Variants in AOC2 observed in about 807,000 individuals in gnomAD.
AOC2 encodes the protein amine oxidase copper containing 2, also known as amine oxidase [copper-containing] 2.
Under a neutral mutation model 53.8 loss-of-function variants are expected in AOC2, and 57 were observed. The observed-to-expected ratio is 1.06, with a 90% CI of 0.86 to 1.32. AOC2 has a LOEUF of 1.32. Ranked by LOEUF, AOC2 falls within the 40% of genes most tolerant of loss-of-function variation. The pLI, the probability that AOC2 is intolerant of heterozygous loss-of-function variation, is 0.00. For synonymous variants in AOC2, 404 were observed against 399.0 expected, an observed-to-expected ratio of 1.01 and a Z score of -0.15; for missense variants, 1,008 against 957.2, an observed-to-expected ratio of 1.05 and a Z score of -0.70.
chr17:42,849,761 C>T, intron 3 of AOC2, 31 bp downstream of exon 3: 1 of 1,613,490 alleles, frequency 6.2e-7, no homozygotes, highest in South Asian at 1.1e-5. Context: ...AGGAAAGGGA[C>T]ACCTGTGGGC....
rs528413349 is a variant in AOC2 at position 42,845,731 on chromosome 17, G to A, written c.1105G>A (p.Asp369Asn). 32 of 1,614,156 alleles carry A rather than the reference G, an allele frequency of 2.0e-5. No homozygotes were observed. In the East Asian group the frequency reaches 2.7e-4, roughly 13 times the overall value. ...GGAGTGTGTATCTATCTATGGTGCC[G>A]ATTCACCCAAGACGATGCTGACTCG... ...VQECVSIYGADSPKTMLTRYL... is the reference protein window; with the variant it reads ...VQECVSIYGANSPKTMLTRYL... Residue 369 changes from aspartate (D) to asparagine (N), a missense_variant, in exon 1 of 4, where the codon GAT (aspartate) becomes AAT (asparagine). Transcript: ENST00000253799.
chr17:42,849,228 C>G lies in AOC2; in HGVS notation c.1731C>G (p.Ser577Arg). 1.9e-6 allele frequency: 3 copies of G among 1,614,164 alleles called. No individual in the cohort carries two copies. The highest frequency in any genetic ancestry group is 1.1e-5 in the South Asian group (1 of 91,086). The change falls in exon 2 of 4, where the codon AGC becomes AGG. Residue 577 changes from serine to arginine, a missense_variant. Physicochemically the swap from Ser to Arg is moderately radical, Grantham distance 110. Coordinates refer to ENST00000253799, the MANE Select transcript of AOC2 (RefSeq NM_009590.4). ...ACCTGACAGCTTTTTCCTTGGGAAGCCCCCTACCCCGCTACCTCTACCTGG... is the reference window on the plus strand; with the variant it reads ...ACCTGACAGCTTTTTCCTTGGGAAGGCCCCTACCCCGCTACCTCTACCTGG... ...KEDLTAFSLG[S>R]PLPRYLYLAS...
rs996765237 is a variant in AOC2 at position 42,844,748 on chromosome 17, C to A, written c.122C>A (p.Ser41Tyr). ...CAGCCTCCCCACTGCCCCTCTGTATCCCATAGGGCCCAGCCCTGGCCACAC... is the reference window on the plus strand; with the variant it reads ...CAGCCTCCCCACTGCCCCTCTGTATACCATAGGGCCCAGCCCTGGCCACAC... ...SSQPPHCPSV[S>Y]HRAQPWPHPG... is the part of the protein sequence containing the mutation. The change falls in exon 1 of 4, where the codon TCC (serine) becomes TAC (tyrosine). Residue 41 changes from serine (S) to tyrosine (Y), a missense_variant. Physicochemically the swap from Ser to Tyr is moderately radical, Grantham distance 144. Coordinates refer to ENST00000253799, the MANE Select transcript of AOC2 (RefSeq NM_009590.4). The A allele has an allele frequency of 6.2e-7, 1 of 1,614,232 alleles. No homozygotes were observed. Among genetic ancestry groups the A allele is most frequent in the Non-Finnish European group, 8.5e-7 (1 of 1,180,044 alleles).
rs528022523 is a variant in AOC2, at chr17:42,849,619, C to T, written c.1893C>T (p.Thr631=). The part of the protein sequence containing the change: ...LSWGRYQLVV[T]QRKEEESQSS... ...TGGCCAGATACCAGCTTGTGGTGAC[C>T]CAGAGAAAGGAGGAGGAGTCACAGA... The change falls in exon 3 of 4, where the codon ACC becomes ACT. Residue 631 remains threonine, a synonymous_variant. Transcript: ENST00000253799. 6.2e-7 allele frequency: 1 copy of T among 1,614,162 alleles called. No individual in the cohort carries two copies. The highest frequency in any genetic ancestry group is 2.2e-5 in the East Asian group (1 of 44,888).
At position 42,849,138 on chromosome 17, in the gene AOC2, C is replaced by G; in HGVS notation, c.1641C>G (p.Ala547=). Residue 547 remains alanine (A), a synonymous_variant, in exon 2 of 4, where the codon GCC becomes GCG. Coordinates refer to ENST00000253799, the MANE Select transcript of AOC2 (RefSeq NM_009590.4). ...AEDVVFKPVA[A]PWNPEHWLQR... ...ACGTGGTGTTTAAACCTGTGGCTGC[C>G]CCCTGGAACCCGGAGCACTGGCTAC... The G allele has an allele frequency of 6.2e-7, 1 of 1,614,070 alleles. No individual in the cohort carries two copies. The highest frequency in any genetic ancestry group is 8.5e-7 in the Non-Finnish European group (1 of 1,179,982).
chr17:42,850,019 G>T, intron 3 of AOC2, 63 bp from the exon 4 acceptor site: 1 of 1,569,310 alleles, frequency 6.4e-7, no homozygotes, highest in South Asian at 1.2e-5. Context: ...CTGGGATTGT[G>T]ACTGAAGGGT....
At chr17:42,848,986 T>C in intron 1 of AOC2, 100 bp from the exon 2 acceptor site, 1 of 1,281,480 alleles carries the variant, frequency 7.8e-7, no homozygotes, top group African/African-American at 1.5e-5. Context: ...TCTCTCTGCC[T>C]TTTGTCACAC....
chr17:42,845,984 C>T lies in AOC2; in HGVS notation c.1358C>T (p.Ala453Val), dbSNP rs752717916. 73 of 1,614,186 alleles carry T rather than the reference C, an allele frequency of 4.5e-5. No homozygotes were observed. Among genetic ancestry groups the T allele is most frequent in the Non-Finnish European group, 6.1e-5 (72 of 1,180,042 alleles). Residue 453 changes from alanine (A) to valine (V), a missense_variant, in exon 1 of 4, where the codon GCC becomes GTC. By Grantham distance (64) the Ala-to-Val change is moderately conservative. Transcript: ENST00000253799. ...TTCTATGGTGGTTTGGCCAGCTCAG[C>T]CCTTGTGGTCAGGTCTGTGTCATCT... The part of the protein sequence containing the change: ...NHFYGGLASS[A>V]LVVRSVSSVG...
intron 1 of AOC2, among the ~76,000 whole-genome samples, chr17:42,847,259 G>A (rs1315752982): frequency 1.3e-5 from 2 of 152,184 alleles, no homozygotes; most frequent in South Asian, 2.1e-4. Context: ...GCTTGTTTTG[G>A]GAAGTAACAT....
At chr17:42,849,399 G>A (rs760376885) in intron 2 of AOC2, 28 bp downstream of exon 2, 5 of 1,602,078 alleles carry the variant, frequency 3.1e-6, no homozygotes, top group Admixed American at 1.7e-5. Flanking sequence ...CTGGGTGGAA[G>A]GAAAGGACAG....
At chr17:42,848,808 C>A (rs1413891503) in intron 1 of AOC2, among the ~76,000 whole-genome samples, 3 of 151,992 alleles carry the variant, frequency 2.0e-5, no homozygotes, top group Non-Finnish European at 2.9e-5. Flanking sequence ...GCCTCAGCCT[C>A]CCAAAGTGCT....
chr17:42,846,523 A>T (rs1256535554), intron 1 of AOC2, among the ~76,000 whole-genome samples: 1 of 152,088 alleles, frequency 6.6e-6, no homozygotes, highest in East Asian at 1.9e-4. Flanking sequence ...CTCAAGTGAC[A>T]CTGGGTGGGT....
chr17:42,848,524 AATATAT>A (rs71228780), intron 1 of AOC2, among the ~76,000 whole-genome samples: 4 of 131,260 alleles, frequency 3.0e-5, no homozygotes, highest in African/African-American at 6.6e-5. Flanking sequence ...AGAGGAACTG[AATATAT>A]ATATATATAT....
In AOC2 at chr17:42,844,593, G is replaced by A. The variant is rs746024533; in HGVS notation, c.-34G>A. The A allele has an allele frequency of 2.5e-6, 4 of 1,579,142 alleles. No individual in the cohort carries two copies. The highest frequency in any genetic ancestry group is 2.3e-5 in the South Asian group (2 of 86,644). Reference sequence around the variant, plus strand: ...ATGTCAGTAACTGGAAGGAGCAGCTGTTAGAATTCTGATTTCAGCTCTCAG... The same window carrying A: ...ATGTCAGTAACTGGAAGGAGCAGCTATTAGAATTCTGATTTCAGCTCTCAG... On this transcript the variant is annotated 5_prime_UTR_variant, in exon 1 of 4. Transcript: ENST00000253799.
intron 1 of AOC2, among the ~76,000 whole-genome samples, chr17:42,846,971 G>T (rs2055604547): frequency 6.6e-6 from 1 of 152,228 alleles, no homozygotes; most frequent in Admixed American, 6.5e-5. Context: ...AGGGTGGCGG[G>T]AGATGGGACA....
intron 1 of AOC2, among the ~76,000 whole-genome samples, chr17:42,848,546 C>CGTATATATATAT (rs1405077172): frequency 8.5e-6 from 1 of 117,694 alleles, no homozygotes; most frequent in African/African-American, 3.9e-5. Flanking sequence ...TATATATATA[C>CGTATATATATAT]ATATATATAT....
intron 2 of AOC2, 67 bp downstream of exon 2, chr17:42,849,438 A>C: frequency 6.3e-7 from 1 of 1,582,690 alleles, no homozygotes; most frequent in Non-Finnish European, 8.6e-7. Context: ...CCTTGGAGAC[A>C]AACTCCCTTC....
At position 42,850,427 on chromosome 17, in the gene AOC2, C is replaced by T; in HGVS notation, c.*79C>T. ...TACTTTCTATTCTCCGTGTTTTTAT[C>T]ACACCTGCTCCCCAGATTCCCACCC... On this transcript the variant is annotated 3_prime_UTR_variant, in exon 4 of 4. Transcript: ENST00000253799. 1 of 1,478,070 alleles carries T rather than the reference C, an allele frequency of 6.8e-7. No homozygotes were observed. Among genetic ancestry groups the T allele is most frequent in the South Asian group, 1.4e-5 (1 of 71,898 alleles). 91.6% of individuals were successfully genotyped at this position (1,478,070 alleles called of 1,614,324 possible).
rs1462906921 is a variant in AOC2 at position 42,845,764 on chromosome 17, G to A, written c.1138G>A (p.Asp380Asn). 6.2e-7 allele frequency: 1 copy of A among 1,614,178 alleles called. No individual in the cohort carries two copies. The highest frequency in any genetic ancestry group is 1.1e-5 in the South Asian group (1 of 91,080). Residue 380 changes from aspartate to asparagine, a missense_variant, in exon 1 of 4, where the codon GAT (aspartate) becomes AAT (asparagine). Coordinates refer to ENST00000253799, the MANE Select transcript of AOC2 (RefSeq NM_009590.4). ...SPKTMLTRYL[D>N]SSFGLGRNSR... ...CAAGACGATGCTGACTCGCTATTTG[G>A]ATAGCAGCTTTGGACTCGGCCGTAA...
Sources: gnomAD v4.1 joint callset for allele counts (sites outside exome capture counted in the v4.1 genomes callset) on GRCh38, gnomAD v4.1.1 for gene constraint, MANE v1.5 for transcripts, NCBI Gene and HGNC (gene_info 2026-07-23, HGNC 2026-07-21) for gene names.